The following TGM7 variants were observed in gnomAD, a reference collection of about 807,000 sequenced individuals.
The protein encoded by TGM7 is transglutaminase 7.
Under a neutral mutation model 79.5 loss-of-function variants are expected in TGM7, and 74 were observed. The observed-to-expected ratio is 0.93, with a 90% CI of 0.77 to 1.13. TGM7 has a LOEUF of 1.13. Among genes scored for constraint, TGM7 ranks in the 50% most tolerant of loss-of-function variants. The pLI is 0.00. For missense variants in TGM7, 912 were observed against 905.9 expected (o/e 1.01, Z -0.09); for synonymous variants, 354 against 362.5 (o/e 0.98, Z 0.27).
chr15:43,293,431 G>A lies in TGM7; in HGVS notation c.193+18C>T. On this transcript the variant is annotated intron_variant, in intron 2 of 12. Transcript: ENST00000452443. Reference sequence around the variant, plus strand: ...ATTTTGACGGAACCTGCGGGGCCTTGGGACAGGGCAAACTCACCGGTCTCA... The same window carrying A: ...ATTTTGACGGAACCTGCGGGGCCTTAGGACAGGGCAAACTCACCGGTCTCA... 1 of 1,579,462 alleles carries A rather than the reference G, an allele frequency of 6.3e-7. No homozygotes were observed. The highest frequency in any genetic ancestry group is 8.6e-7 in the Non-Finnish European group (1 of 1,157,834).
intron 1 of TGM7, among the ~76,000 whole-genome samples, chr15:43,299,203 T>A (rs944203892): frequency 1.3e-5 from 2 of 152,202 alleles, no homozygotes; most frequent in Non-Finnish European, 2.9e-5. Flanking sequence ...CTACTTTGAT[T>A]AAAGGCAGGC....
At chr15:43,292,199 G>T in intron 3 of TGM7, 102 bp from the exon 4 acceptor site, 1 of 782,520 alleles carries the variant, frequency 1.3e-6, no homozygotes, top group Non-Finnish European at 2.2e-6. Context: ...AAAACAGGAG[G>T]AACAGTCGAT....
chr15:43,299,825 G>A (rs1420022102), intron 1 of TGM7, among the ~76,000 whole-genome samples: 1 of 152,058 alleles, frequency 6.6e-6, no homozygotes, highest in East Asian at 1.9e-4. Flanking sequence ...AGTATAATCT[G>A]TGTGAGAGCA....
At chr15:43,293,308 C>T in intron 2 of TGM7, 141 bp downstream of exon 2, 1 of 1,148,816 alleles carries the variant, frequency 8.7e-7, no homozygotes, top group Non-Finnish European at 1.2e-6. Context: ...TAACAGGGTC[C>T]TGAGCATGAG....
rs143823016 is a variant in TGM7, at chr15:43,276,891, G to A, written c.1944C>T (p.Ser648=). 9 of 1,614,034 alleles carry A rather than the reference G, an allele frequency of 5.6e-6. No individual in the cohort carries two copies. Among genetic ancestry groups the A allele is most frequent in the South Asian group, 1.1e-5 (1 of 91,082 alleles). ...LSSCTMVLEG[S]GLINGQIAKD... ...TTGCTATCTGCCCATTGATGAGGCC[G>A]CTTCCTTCCAGCACCATCGTGCAGC... is the stretch of plus-strand genomic sequence containing the variant. The change falls in exon 12 of 13, where the codon AGC becomes AGT. Residue 648 remains serine, a synonymous_variant. Coordinates refer to ENST00000452443, the MANE Select transcript of TGM7 (RefSeq NM_052955.3).
At chr15:43,278,674 G>A (rs2042889711) in intron 11 of TGM7, among the ~76,000 whole-genome samples, 1 of 152,270 alleles carries the variant, frequency 6.6e-6, no homozygotes, top group African/African-American at 2.4e-5. Context: ...GACTGGTCTC[G>A]AACTCCTGGG....
intron 10 of TGM7, 61 bp from the exon 11 acceptor site, chr15:43,279,338 T>C: frequency 1.3e-6 from 2 of 1,549,530 alleles, no homozygotes; most frequent in Non-Finnish European, 1.8e-6. Flanking sequence ...GGGGGACATG[T>C]AGATGTGAGA....
intron 1 of TGM7, among the ~76,000 whole-genome samples, chr15:43,299,081 C>G (rs2043014126): frequency 1.3e-5 from 2 of 151,994 alleles, no homozygotes; most frequent in African/African-American, 4.8e-5. Flanking sequence ...TTAGTATGTA[C>G]AAATTATCTT....
chr15:43,294,112 T>A (rs1461135960), intron 1 of TGM7, among the ~76,000 whole-genome samples: 1 of 152,178 alleles, frequency 6.6e-6, no homozygotes, highest in Non-Finnish European at 1.5e-5. Context: ...GTCACCCTTT[T>A]ATCCTACTGA....
intron 2 of TGM7, 71 bp downstream of exon 2, chr15:43,293,378 C>G: frequency 6.6e-7 from 1 of 1,506,246 alleles, no homozygotes; most frequent in South Asian, 1.3e-5. Context: ...AGGCAGGGGC[C>G]CCGCAGGCAG....
Position 43,281,920 on chromosome 15 carries a change from G to T in TGM7, c.1275C>A (p.Ile425=). 1 of 1,614,208 alleles carries T rather than the reference G, an allele frequency of 6.2e-7. No individual in the cohort carries two copies. Among genetic ancestry groups the T allele is most frequent in the Non-Finnish European group, 8.5e-7 (1 of 1,180,030 alleles). The change falls in exon 9 of 13, where the codon ATC becomes ATA. Residue 425 remains isoleucine (I), a synonymous_variant. Coordinates refer to ENST00000452443, the MANE Select transcript of TGM7 (RefSeq NM_052955.3). ...QEILAHNTSS[I]GKEISTKMVG... is the part of the protein sequence containing the mutation. ...CCATCTTAGTGCTGATCTCCTTCCC[G>T]ATGGAACTGGTGTTGTGGGCCAGGA...
At chr15:43,292,592 A>T in intron 3 of TGM7, 117 bp downstream of exon 3, 1 of 1,269,952 alleles carries the variant, frequency 7.9e-7, no homozygotes, top group East Asian at 2.3e-5. Flanking sequence ...TTGTGAGAGC[A>T]CACGCTACTA....
chr15:43,292,760 C>T lies in TGM7; in HGVS notation c.388G>A (p.Val130Met), dbSNP rs1397357247. The T allele has an allele frequency of 6.2e-7, 1 of 1,614,160 alleles. No individual in the cohort carries two copies. Among genetic ancestry groups the T allele is most frequent in the African/African-American group, 1.3e-5 (1 of 75,048 alleles). ...IEISQGQGHS[V>M]TYPLGTFILL... ...ATGAAAGTTCCCAGCGGGTAAGTCA[C>T]ACTGTGACCTTGGCCCTGAGAGATC... The change falls in exon 3 of 13, where the codon GTG becomes ATG. Residue 130 changes from valine (V) to methionine (M), a missense_variant. Physicochemically the swap from Val to Met is conservative, Grantham distance 21. Coordinates refer to ENST00000452443, the MANE Select transcript of TGM7 (RefSeq NM_052955.3).
At position 43,281,957 on chromosome 15, in the gene TGM7, T is replaced by C. The variant is rs776260300; in HGVS notation, c.1238A>G (p.Gln413Arg). The change falls in exon 9 of 13, where the codon CAG (glutamine) becomes CGG (arginine). Residue 413 changes from glutamine to arginine, a missense_variant. Transcript: ENST00000452443. The stretch of plus-strand genomic sequence containing the variant: ...GTTGTGGGCCAGGATTTCCTGGGCC[T>C]GGCCATCCCCAAGGAGCCAAATGAC... ...DEVIWLLGDG[Q>R]AQEILAHNTS... is the part of the protein sequence containing the mutation. 25 of 1,614,098 alleles carry C rather than the reference T, an allele frequency of 1.5e-5. No individual in the cohort carries two copies. Among genetic ancestry groups the C allele is most frequent in the Non-Finnish European group, 1.9e-5 (23 of 1,180,032 alleles).
intron 6 of TGM7, among the ~76,000 whole-genome samples, chr15:43,286,312 G>T (rs2142409260): frequency 6.6e-6 from 1 of 152,256 alleles, no homozygotes; most frequent in East Asian, 1.9e-4. Flanking sequence ...GGAGCAGGGT[G>T]GTGGACCTCG....
chr15:43,291,878 C>A, intron 4 of TGM7, 101 bp downstream of exon 4: 1 of 816,682 alleles, frequency 1.2e-6, no homozygotes, highest in Admixed American at 2.2e-5. Context: ...ATTAGTGGCC[C>A]TCTATGAGGG....
At position 43,279,992 on chromosome 15, in the gene TGM7, G is replaced by C. The variant is rs776418865; in HGVS notation, c.1352-41C>G. On this transcript the variant is annotated intron_variant, in intron 9 of 12. Transcript: ENST00000452443. ...GTAGGAGAGACATGCATGGGGAGGG[G>C]TGGAGAGGACCAGTGACTTTCCTGG... The C allele has an allele frequency of 3.8e-6, 6 of 1,582,696 alleles. No individual in the cohort carries two copies. The African/African-American group carries it at 6.7e-5, about 18-fold the overall frequency.
At chr15:43,289,360 A>G (rs1596462915) in intron 4 of TGM7, among the ~76,000 whole-genome samples, 1 of 152,138 alleles carries the variant, frequency 6.6e-6, no homozygotes, top group African/African-American at 2.4e-5. Context: ...GATGGTTTCC[A>G]GCTTCATCCA....
In TGM7 at chr15:43,276,561, G is replaced by A. The variant is rs760364994; in HGVS notation, c.2027C>T (p.Pro676Leu). ...GAGCTGGCGGGGTCCAGCTTTGGTCGGGTAGAGGTCCAGTTGAATTTGGAG... is the reference window on the plus strand; with the variant it reads ...GAGCTGGCGGGGTCCAGCTTTGGTCAGGTAGAGGTCCAGTTGAATTTGGAG... ...HTLQIQLDLY[P>L]TKAGPRQLQV... is the part of the protein sequence containing the mutation. Residue 676 changes from proline to leucine, a missense_variant, in exon 13 of 13, where the codon CCG (proline) becomes CTG (leucine). Pro to Leu is a moderately conservative substitution (Grantham distance 98). Coordinates refer to ENST00000452443, the MANE Select transcript of TGM7 (RefSeq NM_052955.3). 9.3e-6 allele frequency: 15 copies of A among 1,614,038 alleles called. No homozygotes were observed. The highest frequency in any genetic ancestry group is 1.6e-4 in the Middle Eastern group (1 of 6,084).
Sources: allele counts gnomAD v4.1 joint callset (sites outside exome capture counted in the v4.1 genomes callset), GRCh38; gene constraint gnomAD v4.1.1; transcripts MANE v1.5; gene names NCBI Gene and HGNC (gene_info 2026-07-23, HGNC 2026-07-21).